The following DNAH9 variants were observed in gnomAD, a reference collection of about 807,000 sequenced individuals.
The protein encoded by DNAH9 is dynein axonemal heavy chain 9.
A neutral mutation model predicts 471.6 loss-of-function variants in DNAH9; 345 were observed. That is an observed-to-expected ratio of 0.73 (90% confidence interval 0.67 to 0.80). DNAH9 has a LOEUF of 0.80. DNAH9 is among the 30% of genes least tolerant of loss of function. The pLI is 0.00. For synonymous variants in DNAH9, 2,093 were observed against 2,123.6 expected (o/e 0.99, Z 0.40); for missense variants, 5,407 against 5,609.2 (o/e 0.96, Z 1.15).
rs554655977 is a variant in DNAH9 at position 11,611,863 on chromosome 17, C to T, written c.904+83C>T. 1.7e-5 allele frequency: 24 copies of T among 1,403,866 alleles called. No individual in the cohort carries two copies. The Middle Eastern group carries it at 8.9e-4, about 52-fold the overall frequency. 87.0% of individuals were successfully genotyped at this position (1,403,866 alleles called of 1,614,324 possible). A position where few individuals can be genotyped will look rare whatever the true frequency, so the allele number is the denominator to read the frequency against. On this transcript the variant is annotated intron_variant, in intron 4 of 68. Transcript: ENST00000262442. ...GCATTCACCTCTCTCTGTCTGAATTCCGCAACTTCAAGTCCTTGTAAATTT... is the reference window on the plus strand; with the variant it reads ...GCATTCACCTCTCTCTGTCTGAATTTCGCAACTTCAAGTCCTTGTAAATTT...
chr17:11,671,773 C>T (rs1378550599), intron 17 of DNAH9, among the ~76,000 whole-genome samples: 2 of 152,180 alleles, frequency 1.3e-5, no homozygotes, highest in Non-Finnish European at 2.9e-5. Context: ...TGATACAGGA[C>T]GTGGTAACAG....
chr17:11,934,435 ATTTTTTT>A (rs547023975), intron 65 of DNAH9, among the ~76,000 whole-genome samples: 13 of 86,044 alleles, frequency 1.5e-4, no homozygotes, highest in Non-Finnish European at 2.7e-4. Flanking sequence ...TGACAAACCC[ATTTTTTT>A]TTTTTTTTTT....
chr17:11,692,337 A>G (rs1037789282), intron 20 of DNAH9, among the ~76,000 whole-genome samples: 16 of 152,348 alleles, frequency 1.1e-4, no homozygotes, highest in Admixed American at 7.2e-4. Context: ...GTTGTTATGT[A>G]ATAATAATAC....
intron 19 of DNAH9, among the ~76,000 whole-genome samples, chr17:11,688,031 G>A (rs1428006849): frequency 6.9e-6 from 1 of 145,144 alleles, no homozygotes; most frequent in Non-Finnish European, 1.5e-5. Context: ...CTACTCAGGA[G>A]GCTGAGGCAG....
Position 11,875,045 on chromosome 17 carries a change from C to T in DNAH9, c.10339C>T (p.Arg3447Cys), listed in dbSNP as rs758604109. The change falls in exon 53 of 69, where the codon CGC (arginine) becomes TGC (cysteine). Residue 3447 changes from arginine to cysteine, a missense_variant. Physicochemically the swap from Arg to Cys is radical, Grantham distance 180 (BLOSUM62 -3). Around this residue, in one of 3 missense-constraint regions of DNAH9, gnomAD observed 4,636 missense variants for 4,900.3 expected, o/e 0.95. Transcript: ENST00000262442. Reference sequence around the variant, plus strand: ...GCAGAACGAGGGCCTCCCAGCCGACCGCATGTCCGTGGAGAATGCCACCAT... The same window carrying T: ...GCAGAACGAGGGCCTCCCAGCCGACTGCATGTCCGTGGAGAATGCCACCAT... ...AWQNEGLPAD[R>C]MSVENATILI... The T allele has an allele frequency of 3.5e-5, 56 of 1,613,990 alleles. No homozygotes were observed. The highest frequency in any genetic ancestry group is 9.3e-5 in the African/African-American group (7 of 74,902).
intron 51 of DNAH9, among the ~76,000 whole-genome samples, chr17:11,869,547 A>G (rs1972186225): frequency 6.6e-6 from 1 of 152,326 alleles, no homozygotes; most frequent in South Asian, 2.1e-4. Context: ...CAGAGGAAAC[A>G]TTACAAGACA....
At chr17:11,827,688 T>C (rs1597704426) in intron 48 of DNAH9, among the ~76,000 whole-genome samples, 1 of 25,344 alleles carries the variant, frequency 3.9e-5, no homozygotes, top group African/African-American at 1.4e-4. Flanking sequence ...TCCTTGGTTC[T>C]TTTTTTTTTT....
intron 60 of DNAH9, among the ~76,000 whole-genome samples, chr17:11,903,852 A>G (rs995294762): frequency 6.6e-6 from 1 of 152,140 alleles, no homozygotes; most frequent in East Asian, 1.9e-4. Flanking sequence ...CAGAGGTTGC[A>G]GTGAGCCAAG....
At chr17:11,758,180 C>A (rs562360793) in intron 35 of DNAH9, among the ~76,000 whole-genome samples, 2 of 152,242 alleles carry the variant, frequency 1.3e-5, no homozygotes, top group African/African-American at 4.8e-5. Flanking sequence ...GACAGTCCTG[C>A]CCTGCTGGAT....
chr17:11,888,515 A>G (rs1972953740), intron 57 of DNAH9, among the ~76,000 whole-genome samples: 1 of 152,116 alleles, frequency 6.6e-6, no homozygotes, highest in South Asian at 2.1e-4. Context: ...GCCCATGACA[A>G]TCTGTGTTCA....
In DNAH9 at chr17:11,887,273, C is replaced by T. The variant is rs545368638; in HGVS notation, c.11112+308C>T. Among the ~76,000 whole-genome samples, 9 of 152,148 alleles carry T rather than the reference C, an allele frequency of 5.9e-5. No individual in the cohort carries two copies. In the South Asian group the frequency reaches 6.2e-4, roughly 11 times the overall value. On this transcript the variant is annotated intron_variant, in intron 57 of 68. Transcript: ENST00000262442. The stretch of plus-strand genomic sequence containing the variant: ...TTACTGAATGTGTGGAAGGTGATAC[C>T]GAAGAAGTCTGAGAAGTGATCCCTG...
At chr17:11,635,984 T>TG (rs1010371343) in intron 8 of DNAH9, among the ~76,000 whole-genome samples, 3 of 129,006 alleles carry the variant, frequency 2.3e-5, no homozygotes, top group African/African-American at 8.0e-5. Flanking sequence ...GTTTTGTTTT[T>TG]TTTGTTTGTT....
chr17:11,720,280 G>C (rs896550397), intron 27 of DNAH9, among the ~76,000 whole-genome samples: 2 of 150,498 alleles, frequency 1.3e-5, no homozygotes, highest in African/African-American at 2.5e-5. Context: ...TTAAGTTCTA[G>C]GGTACATGTG....
chr17:11,930,681 C>A (rs556552322), intron 63 of DNAH9, among the ~76,000 whole-genome samples: 1 of 147,650 alleles, frequency 6.8e-6, no homozygotes, highest in Admixed American at 7.1e-5. Flanking sequence ...AAGAGAATGG[C>A]GTGAACCTGG....
At position 11,965,857 on chromosome 17, in the gene DNAH9, T is replaced by A. The variant is rs562692745; in HGVS notation, c.13234-3443T>A. Reference sequence around the variant, plus strand: ...ATGAAAACTCAGTAGAGGAATTCAATAGCAGAATTGAATAAGCAGAAAAAT... The same window carrying A: ...ATGAAAACTCAGTAGAGGAATTCAAAAGCAGAATTGAATAAGCAGAAAAAT... On this transcript the variant is annotated intron_variant, in intron 68 of 68. Transcript: ENST00000262442. Among the ~76,000 whole-genome samples the A allele has an allele frequency of 2.2e-3, 338 of 152,266 alleles. 1 individual carries two copies. The highest frequency in any genetic ancestry group is 7.7e-3 in the African/African-American group (321 of 41,562).
chr17:11,783,441 G>A (rs190387119), intron 39 of DNAH9, among the ~76,000 whole-genome samples: 6 of 152,138 alleles, frequency 3.9e-5, no homozygotes, highest in South Asian at 2.1e-4. Context: ...CTGCTGGCTC[G>A]TCTTCCTATG....
rs1974554451 is a variant in DNAH9, at chr17:11,932,540, C to A, written c.12297+335C>A. ...CCCACCCAAACTTACTGAATCAGCG[C>A]ATTTTAACGAGATTCTCTGGTAATT... On this transcript the variant is annotated intron_variant, in intron 64 of 68. Coordinates refer to ENST00000262442, the MANE Select transcript of DNAH9 (RefSeq NM_001372.4). This position sits in a 1 kb window ranked among gnomAD's most constrained non-coding sequence, Gnocchi z 4.3. 6.6e-6 allele frequency among the ~76,000 whole-genome samples: 1 copy of A among 152,170 alleles called. No individual in the cohort carries two copies. Among genetic ancestry groups the A allele is most frequent in the Admixed American group, 6.5e-5 (1 of 15,280 alleles).
At chr17:11,734,973 C>T (rs1196931481) in intron 28 of DNAH9, among the ~76,000 whole-genome samples, 1 of 152,148 alleles carries the variant, frequency 6.6e-6, no homozygotes, top group East Asian at 1.9e-4. Flanking sequence ...ATCAGAATCA[C>T]CCGGAGGGCC....
At chr17:11,843,069 G>A (rs760770484) in intron 49 of DNAH9, among the ~76,000 whole-genome samples, 1 of 152,112 alleles carries the variant, frequency 6.6e-6, no homozygotes, top group Admixed American at 6.5e-5. Context: ...CCCAATCCAG[G>A]AGCAAAACAT....
Sources: allele counts gnomAD v4.1 joint callset (sites outside exome capture counted in the v4.1 genomes callset), GRCh38; gene constraint gnomAD v4.1.1; regional missense constraint gnomAD v4.1.1; non-coding constraint Gnocchi (gnomAD v3.1); transcripts MANE v1.5; gene names NCBI Gene and HGNC (gene_info 2026-07-23, HGNC 2026-07-21).